Variants in CAP2 observed in about 807,000 individuals in gnomAD.
CAP2 encodes adenylyl cyclase-associated protein 2.
In CAP2, 24 loss-of-function variants were observed where a neutral mutation model predicts 57.7. That is an observed-to-expected ratio of 0.42 (90% CI 0.30 to 0.58). The LOEUF is 0.58. CAP2 is among the 20% of genes least tolerant of loss of function. CAP2 has a pLI of 0.22. For missense variants in CAP2, 501 were observed against 590.3 expected (o/e 0.85, Z 1.57); for synonymous variants, 194 against 207.2 (o/e 0.94, Z 0.55).
chr6:17,422,189 T>A (rs1449501671), intron 2 of CAP2, among the ~76,000 whole-genome samples: 2 of 152,222 alleles, frequency 1.3e-5, no homozygotes, highest in Non-Finnish European at 2.9e-5. Context: ...TTGGAAGGAA[T>A]TATCATTCTG....
chr6:17,533,332 G>A (rs893329937), intron 7 of CAP2, among the ~76,000 whole-genome samples: 4 of 151,984 alleles, frequency 2.6e-5, no homozygotes, highest in Admixed American at 2.0e-4. Context: ...AATAGAGGAG[G>A]CAGCTGTTCC....
rs757144675 is a variant in CAP2, at chr6:17,513,151, A to G, written c.531-698A>G. On this transcript the variant is annotated intron_variant, in intron 6 of 12. Coordinates refer to ENST00000229922, the MANE Select transcript of CAP2 (RefSeq NM_006366.3). The surrounding 1 kb of genome is among the most constrained non-coding windows in gnomAD (Gnocchi z 4.3). ...TTCAATCTTGTATGTTAATCCCATTATAAAAGGTAAGCATTTTACTAGCCC... is the reference window on the plus strand; with the variant it reads ...TTCAATCTTGTATGTTAATCCCATTGTAAAAGGTAAGCATTTTACTAGCCC... Among the ~76,000 whole-genome samples, 7 of 152,232 alleles carry G rather than the reference A, an allele frequency of 4.6e-5. No homozygotes were observed. The highest frequency in any genetic ancestry group is 1.0e-4 in the Non-Finnish European group (7 of 68,042).
At chr6:17,509,210 A>G (rs997979852) in intron 6 of CAP2, among the ~76,000 whole-genome samples, 3 of 152,166 alleles carry the variant, frequency 2.0e-5, no homozygotes, top group Admixed American at 6.5e-5. Context: ...ATTAATTAAT[A>G]TTACATATTC....
chr6:17,477,174 T>C (rs906193905), intron 4 of CAP2, among the ~76,000 whole-genome samples: 7 of 152,124 alleles, frequency 4.6e-5, no homozygotes, highest in African/African-American at 1.7e-4. Flanking sequence ...GTGCCCGGCC[T>C]TATTTTCTTC....
intron 7 of CAP2, 60 bp downstream of exon 7, chr6:17,514,014 G>A: frequency 9.9e-7 from 1 of 1,005,616 alleles, no homozygotes; most frequent in South Asian, 1.3e-5. Flanking sequence ...TATACACCCT[G>A]TGGCCCAGTA....
intron 7 of CAP2, among the ~76,000 whole-genome samples, chr6:17,524,362 C>G (rs1234774282): frequency 1.3e-5 from 2 of 152,016 alleles, no homozygotes; most frequent in Admixed American, 1.3e-4. Flanking sequence ...CTCATAAATA[C>G]CTTTGAGTTT....
intron 3 of CAP2, among the ~76,000 whole-genome samples, chr6:17,437,923 A>G (rs1052271788): frequency 6.6e-6 from 1 of 152,198 alleles, no homozygotes; most frequent in African/African-American, 2.4e-5. Context: ...TGAGTTGTTT[A>G]TGCATTTCTT....
intron 4 of CAP2, among the ~76,000 whole-genome samples, chr6:17,464,097 T>A (rs1267259246): frequency 6.6e-6 from 1 of 152,178 alleles, no homozygotes; most frequent in African/African-American, 2.4e-5. Flanking sequence ...TGACATTGTA[T>A]CATGCAAATA....
intron 2 of CAP2, 103 bp from the exon 3 acceptor site, chr6:17,426,487 G>C (rs571655561): frequency 1.3e-6 from 1 of 784,854 alleles, no homozygotes; most frequent in African/African-American, 1.7e-5. Context: ...TGCCTGCCTC[G>C]GACTCCCAAA....
intron 3 of CAP2, among the ~76,000 whole-genome samples, chr6:17,461,363 A>G (rs1375424294): frequency 2.0e-5 from 3 of 152,012 alleles, no homozygotes; most frequent in Non-Finnish European, 4.4e-5. Flanking sequence ...AATAGCTGGG[A>G]CTACAGGCAT....
intron 4 of CAP2, among the ~76,000 whole-genome samples, chr6:17,474,831 T>A (rs1214725647): frequency 4.6e-5 from 7 of 152,188 alleles, no homozygotes; most frequent in Admixed American, 2.0e-4. Context: ...CTTCACAATA[T>A]TTTTTATTAG....
intron 3 of CAP2, among the ~76,000 whole-genome samples, chr6:17,461,992 C>CAAAAAAAAAAAAAAAAAAAAAAAAAAAAA (rs567675285): frequency 1.1e-4 from 3 of 27,864 alleles, no homozygotes; most frequent in East Asian, 1.1e-3. Context: ...GACTCCGTCT[C>CAAAAAAAAAAAAAAAAAAAAAAAAAAAAA]AAAAAAAAAA....
intron 3 of CAP2, among the ~76,000 whole-genome samples, chr6:17,462,008 A>T (rs1274139242): frequency 7.3e-6 from 1 of 137,012 alleles, no homozygotes; most frequent in East Asian, 2.0e-4. Context: ...AAAAAAAAAA[A>T]AAAAAAAAAA....
Position 17,467,232 on chromosome 6 carries a change from A to G in CAP2, c.300+4159A>G, listed in dbSNP as rs116365073. ...GCCTTGGCCCAGAATTCTGATCTAC[A>G]GAAACTGTGAGATGATAAATGGATA... On this transcript the variant is annotated intron_variant, in intron 4 of 12. Coordinates refer to ENST00000229922, the MANE Select transcript of CAP2 (RefSeq NM_006366.3). Among the ~76,000 whole-genome samples, 636 of 152,312 alleles carry G rather than the reference A, an allele frequency of 4.2e-3. 5 individuals are homozygous for G. Among genetic ancestry groups the G allele is most frequent in the African/African-American group, 0.015 (610 of 41,566 alleles).
intron 4 of CAP2, among the ~76,000 whole-genome samples, chr6:17,489,648 C>T (rs1761501569): frequency 6.6e-6 from 1 of 151,998 alleles, no homozygotes; most frequent in Admixed American, 6.6e-5. Context: ...CCATGCACCT[C>T]TCTGCTTGCC....
chr6:17,434,219 TTC>T (rs1245028580), intron 3 of CAP2, among the ~76,000 whole-genome samples: 1 of 149,178 alleles, frequency 6.7e-6, no homozygotes. Flanking sequence ...TTCTTTTTTT[TTC>T]TCTTTTTTTC....
rs1762209804 is a variant in CAP2, at chr6:17,513,790, T to C, written c.531-59T>C. 4 of 1,244,386 alleles carry C rather than the reference T, an allele frequency of 3.2e-6. No individual in the cohort carries two copies. In the South Asian group the frequency reaches 4.9e-5, roughly 15 times the overall value. 77.1% of individuals were successfully genotyped at this position (1,244,386 alleles called of 1,614,324 possible). On this transcript the variant is annotated intron_variant, in intron 6 of 12. Transcript: ENST00000229922. This position sits in a 1 kb window ranked among gnomAD's most constrained non-coding sequence, Gnocchi z 4.3. Reference sequence around the variant, plus strand: ...AGATAACCATGTGCCCCCACAATTTTTTTAAAATTTTATTTTAGATCCTAA... The same window carrying C: ...AGATAACCATGTGCCCCCACAATTTCTTTAAAATTTTATTTTAGATCCTAA...
At chr6:17,495,942 G>GT (rs1204963828) in intron 4 of CAP2, among the ~76,000 whole-genome samples, 4 of 150,118 alleles carry the variant, frequency 2.7e-5, no homozygotes, top group African/African-American at 9.8e-5. Flanking sequence ...CAGAATCCCA[G>GT]TGCAGTGGGG....
At chr6:17,463,186 C>T (rs1030423124) in intron 4 of CAP2, 113 bp downstream of exon 4, 7 of 715,286 alleles carry the variant, frequency 9.8e-6, no homozygotes, top group African/African-American at 8.8e-5. Context: ...ATGAGACTTA[C>T]AGCACGTGTA....
Sources: allele counts gnomAD v4.1 joint callset (sites outside exome capture counted in the v4.1 genomes callset), GRCh38; gene constraint gnomAD v4.1.1; non-coding constraint Gnocchi (gnomAD v3.1); transcripts MANE v1.5; gene names NCBI Gene and HGNC (gene_info 2026-07-23, HGNC 2026-07-21).